DPF3: variants seen among roughly 807,000 people sequenced by gnomAD.
DPF3 encodes the protein double PHD fingers 3, also known as zinc finger protein DPF3.
DPF3 carries 18 observed loss-of-function variants against 56.8 expected under a neutral mutation model. The ratio of observed to expected loss-of-function variants is 0.32; its 90% CI spans 0.22 to 0.47. DPF3 has a LOEUF of 0.47. Among genes scored for constraint, DPF3 ranks in the 20% least tolerant of loss-of-function variants. DPF3 has a pLI of 1.00. For synonymous variants in DPF3, 188 were observed against 180.2 expected, an observed-to-expected ratio of 1.04 and a Z score of -0.35; for missense variants, 403 against 488.8, an observed-to-expected ratio of 0.82 and a Z score of 1.65.
chr14:72,835,258 G>A (rs1014980073), intron 1 of DPF3, among the ~76,000 whole-genome samples: 2 of 152,092 alleles, frequency 1.3e-5, no homozygotes, highest in African/African-American at 2.4e-5. Flanking sequence ...AGTAGAGACG[G>A]GATTTCACCG....
rs565862381 is a variant in DPF3, at chr14:72,634,874, A to G, written c.872-5138T>C. 2.0e-4 allele frequency among the ~76,000 whole-genome samples: 30 copies of G among 152,288 alleles called. 1 individual carries two copies. The South Asian group carries it at 6.0e-3, about 31-fold the overall frequency. On this transcript the variant is annotated intron_variant, in intron 8 of 10. Coordinates refer to ENST00000556509, the MANE Select transcript of DPF3 (RefSeq NM_001280542.3). ...GGTGCCATGATTCAACAGAGCATTT[A>G]TAAGATTCCAATTACCAAAATGAAT...
intron 1 of DPF3, 115 bp from the exon 2 acceptor site, chr14:72,772,008 T>C (rs1268473294): frequency 2.5e-6 from 3 of 1,197,864 alleles, no homozygotes; most frequent in African/African-American, 3.2e-5. Flanking sequence ...CTCCCAGTTA[T>C]GAAGACCAAG....
At position 72,617,579 on chromosome 14, in the gene DPF3, GC is replaced by G. The variant is rs1426005759; in HGVS notation, c.*1717del. Among the ~76,000 whole-genome samples the G allele has an allele frequency of 6.6e-6, 1 of 152,170 alleles. No individual in the cohort carries two copies. The highest frequency in any genetic ancestry group is 1.5e-5 in the Non-Finnish European group (1 of 68,034). On this transcript the variant is annotated 3_prime_UTR_variant, in exon 11 of 11. Transcript: ENST00000556509. ...TGTGTGATTCCCTCTGAGGCCACAG[GC>G]CCCTGCAGGAGAGTGACCCCCATCG... is the stretch of plus-strand genomic sequence containing the variant.
intron 6 of DPF3, among the ~76,000 whole-genome samples, chr14:72,701,545 G>A (rs56775478): frequency 0.039 from 5,979 of 152,228 alleles, 251 homozygotes; most frequent in African/African-American, 0.098. Context: ...TAGTCTGGGC[G>A]GGGGTCGGGG....
rs148087958 is a variant in DPF3, at chr14:72,843,604, G to A, written c.32+50453C>T. On this transcript the variant is annotated intron_variant, in intron 1 of 10. Coordinates refer to ENST00000556509, the MANE Select transcript of DPF3 (RefSeq NM_001280542.3). ...GTTGCCCAGGCTGGAGTGCAATGGC[G>A]TGACCTCGGCTCACTGCAACCTCCA... Among the ~76,000 whole-genome samples the A allele has an allele frequency of 6.2e-3, 940 of 152,302 alleles. 12 individuals carry two copies. The highest frequency in any genetic ancestry group is 0.021 in the African/African-American group (888 of 41,552).
chr14:72,692,951 G>A, intron 7 of DPF3, 125 bp downstream of exon 7: 1 of 1,499,290 alleles, frequency 6.7e-7, no homozygotes, highest in Non-Finnish European at 9.1e-7. Context: ...ACACACTACA[G>A]CACATTGAGA....
intron 1 of DPF3, among the ~76,000 whole-genome samples, chr14:72,804,029 A>G (rs1247210109): frequency 6.6e-6 from 1 of 152,196 alleles, no homozygotes; most frequent in Non-Finnish European, 1.5e-5. Flanking sequence ...TCATGGTGAT[A>G]ACCCCAGAAG....
At chr14:72,888,972 G>A (rs867810188) in intron 1 of DPF3, among the ~76,000 whole-genome samples, 57 of 152,228 alleles carry the variant, frequency 3.7e-4, no homozygotes, top group African/African-American at 1.3e-3. Context: ...TCTTTTTCTG[G>A]TGCATGATCA....
intron 8 of DPF3, chr14:72,662,205 AT>A: frequency 3.0e-6 from 3 of 985,486 alleles, no homozygotes; most frequent in Non-Finnish European, 3.6e-6. Flanking sequence ...AGAAATAAAA[AT>A]ACCTAAAGCA....
At chr14:72,796,332 T>A (rs1331800954) in intron 1 of DPF3, among the ~76,000 whole-genome samples, 1 of 152,060 alleles carries the variant, frequency 6.6e-6, no homozygotes, top group African/African-American at 2.4e-5. Context: ...CAGAACCCCA[T>A]CTCTACCAAA....
At chr14:72,660,653 T>A (rs1886178349) in intron 8 of DPF3, among the ~76,000 whole-genome samples, 1 of 152,204 alleles carries the variant, frequency 6.6e-6, no homozygotes, top group African/African-American at 2.4e-5. Context: ...TGTGCAAAAC[T>A]TCTATTCTTG....
rs1439154884 is a variant in DPF3, at chr14:72,822,161, TGAGATCAGGA to T, written c.33-50278_33-50269del. Among the ~76,000 whole-genome samples the T allele has an allele frequency of 1.8e-4, 28 of 152,300 alleles. No individual in the cohort carries two copies. In the South Asian group the frequency reaches 2.9e-3, roughly 16 times the overall value. On this transcript the variant is annotated intron_variant, in intron 1 of 10. Coordinates refer to ENST00000556509, the MANE Select transcript of DPF3 (RefSeq NM_001280542.3). ...GGGAGGCCAAGGTGGGTGGATCACC[TGAGATCAGGA>T]GTTCAAGATCAGCCTGGCCAACATG...
intron 1 of DPF3, among the ~76,000 whole-genome samples, chr14:72,772,532 G>A (rs564616120): frequency 6.6e-6 from 1 of 152,224 alleles, no homozygotes; most frequent in African/African-American, 2.4e-5. Context: ...AAAACAAACA[G>A]AATTCAACAA....
At chr14:72,809,630 G>A (rs527764214) in intron 1 of DPF3, among the ~76,000 whole-genome samples, 75 of 152,298 alleles carry the variant, frequency 4.9e-4, no homozygotes, top group African/African-American at 1.6e-3. Flanking sequence ...TGGTGGAAGA[G>A]AAAGGGAAGG....
At chr14:72,671,440 T>G in intron 8 of DPF3, 1 of 1,477,336 alleles carries the variant, frequency 6.8e-7, no homozygotes, top group Non-Finnish European at 9.4e-7. Context: ...TAGCAAGATA[T>G]AAAACCATTT....
chr14:72,633,591 G>A (rs1599319638), intron 8 of DPF3, among the ~76,000 whole-genome samples: 1 of 152,298 alleles, frequency 6.6e-6, no homozygotes, highest in South Asian at 2.1e-4. Flanking sequence ...TGTGTTTACT[G>A]CCACAGGTTC....
chr14:72,881,963 G>A (rs1175263364), intron 1 of DPF3, among the ~76,000 whole-genome samples: 1 of 152,192 alleles, frequency 6.6e-6, no homozygotes, highest in African/African-American at 2.4e-5. Flanking sequence ...GGGAAGATAA[G>A]GATGAAGAGG....
chr14:72,689,252 C>T (rs937027715), intron 7 of DPF3, among the ~76,000 whole-genome samples: 1 of 152,244 alleles, frequency 6.6e-6, no homozygotes, highest in Non-Finnish European at 1.5e-5. Context: ...GTCAAAAGGT[C>T]GCTACTGCTG....
chr14:72,880,084 A>G, intron 1 of DPF3: 1 of 855,858 alleles, frequency 1.2e-6, no homozygotes, highest in South Asian at 2.5e-5. Context: ...GTAAGTTTTC[A>G]GAACTAGCAG....
Sources: gnomAD v4.1 joint callset for allele counts (sites outside exome capture counted in the v4.1 genomes callset) on GRCh38, gnomAD v4.1.1 for gene constraint, MANE v1.5 for transcripts, NCBI Gene and HGNC (gene_info 2026-07-23, HGNC 2026-07-21) for gene names.